Variants in CHN2 observed in about 807,000 individuals in gnomAD.
CHN2 encodes the protein chimerin 2.
Under a neutral mutation model 56.3 loss-of-function variants are expected in CHN2, and 35 were observed. That is an observed-to-expected ratio of 0.62 (90% CI 0.47 to 0.82). CHN2 has a LOEUF of 0.82. Among genes scored for constraint, CHN2 ranks in the 40% least tolerant of loss-of-function variants. CHN2 has a pLI of 0.00. For missense variants in CHN2, 491 were observed against 580.5 expected, an observed-to-expected ratio of 0.85 and a Z score of 1.58; for synonymous variants, 210 against 212.8, an observed-to-expected ratio of 0.99 and a Z score of 0.12.
At chr7:29,425,388 G>A (rs1804760841) in intron 6 of CHN2, among the ~76,000 whole-genome samples, 1 of 152,228 alleles carries the variant, frequency 6.6e-6, no homozygotes, top group Admixed American at 6.5e-5. Flanking sequence ...GAGGAACAGA[G>A]GACATGGAGC....
At chr7:29,403,200 A>C (rs1478912107) in intron 6 of CHN2, among the ~76,000 whole-genome samples, 1 of 151,962 alleles carries the variant, frequency 6.6e-6, no homozygotes, top group African/African-American at 2.4e-5. Context: ...AAGTGGAATT[A>C]TTAAAGGTCT....
At chr7:29,285,921 G>A (rs895630499) in intron 1 of CHN2, among the ~76,000 whole-genome samples, 1 of 152,078 alleles carries the variant, frequency 6.6e-6, no homozygotes, top group Non-Finnish European at 1.5e-5. Flanking sequence ...CCAGTGTTTG[G>A]GTCCTTCAAA....
intron 1 of CHN2, among the ~76,000 whole-genome samples, chr7:29,271,264 C>A (rs894468710): frequency 2.0e-5 from 3 of 152,160 alleles, no homozygotes; most frequent in African/African-American, 7.2e-5. Flanking sequence ...AAGTTCAAGG[C>A]CCTGGTCATT....
intron 1 of CHN2, among the ~76,000 whole-genome samples, chr7:29,293,362 GCCCCC>G (rs35565281): frequency 1.1e-4 from 6 of 53,136 alleles, no homozygotes; most frequent in African/African-American, 3.5e-4. Context: ...GGCAGCTAAT[GCCCCC>G]CCCCCCCCCC....
intron 1 of CHN2, among the ~76,000 whole-genome samples, chr7:29,259,985 T>G (rs1200565841): frequency 6.6e-6 from 1 of 152,092 alleles, no homozygotes; most frequent in Non-Finnish European, 1.5e-5. Context: ...CTATCTAATT[T>G]TTTTTCTTTT....
intron 1 of CHN2, among the ~76,000 whole-genome samples, chr7:29,208,255 G>C (rs546084120): frequency 6.6e-6 from 1 of 152,178 alleles, no homozygotes; most frequent in Non-Finnish European, 1.5e-5. Flanking sequence ...GTATAGGATG[G>C]CTGGCTCCCC....
chr7:29,154,834 A>T (rs911053991), intron 2 of CHN2, among the ~76,000 whole-genome samples: 3 of 152,132 alleles, frequency 2.0e-5, no homozygotes, highest in Non-Finnish European at 4.4e-5. Context: ...GACTCCGTGT[A>T]TTAGTCCATT....
In CHN2 at chr7:29,437,325, G is replaced by A. The variant is rs1006659643; in HGVS notation, c.576+36497G>A. Among the ~76,000 whole-genome samples, 21 of 84,718 alleles carry A rather than the reference G, an allele frequency of 2.5e-4. 8 individuals are homozygous for A. The highest frequency in any genetic ancestry group is 0.013 in the Middle Eastern group (2 of 158). 55.6% of individuals were successfully genotyped at this position (84,718 alleles called of 152,430 possible). On this transcript the variant is annotated intron_variant, in intron 6 of 12. Transcript: ENST00000222792. ...TTAAGATATCTAAAACCGGCTGGGC[G>A]CGGTGGCTCACGCCTGTAATCCCAG... is the stretch of plus-strand genomic sequence containing the variant.
chr7:29,199,763 G>C lies in CHN2; in HGVS notation c.49+4773G>C, dbSNP rs1784010123. The C allele has an allele frequency of 2.0e-5, 3 of 152,180 alleles. No homozygotes were observed. In the South Asian group the frequency reaches 6.2e-4, roughly 32 times the overall value. The allele number at this position is 152,180 out of a possible 1,614,324, so 9.4% of individuals were successfully genotyped here. The stretch of plus-strand genomic sequence containing the variant: ...ATTTTTCTTAGCATGCTACATATTT[G>C]CAGTGTTTGACAAGGGGGACCCAGT... On this transcript the variant is annotated intron_variant, in intron 1 of 12. Transcript: ENST00000222792.
chr7:29,457,250 T>C (rs1784834473), intron 6 of CHN2, among the ~76,000 whole-genome samples: 1 of 152,114 alleles, frequency 6.6e-6, no homozygotes, highest in African/African-American at 2.4e-5. Flanking sequence ...GACAGCACCA[T>C]GTCCTTTAGT....
chr7:29,347,368 A>G (rs1296636618), intron 1 of CHN2, among the ~76,000 whole-genome samples: 1 of 152,134 alleles, frequency 6.6e-6, no homozygotes, highest in East Asian at 1.9e-4. Flanking sequence ...CCACACTGCT[A>G]TAAAGAATGC....
chr7:29,235,626 G>A (rs1478099077), intron 1 of CHN2, among the ~76,000 whole-genome samples: 3 of 152,116 alleles, frequency 2.0e-5, no homozygotes, highest in Non-Finnish European at 4.4e-5. Context: ...GCAAAGACAT[G>A]GAATCAATGT....
intron 2 of CHN2, among the ~76,000 whole-genome samples, chr7:29,174,621 G>A (rs978710524): frequency 1.3e-5 from 2 of 152,190 alleles, no homozygotes; most frequent in African/African-American, 4.8e-5. Context: ...AGCACTTTGG[G>A]AGGCCGACTT....
intron 1 of CHN2, among the ~76,000 whole-genome samples, chr7:29,262,526 A>G (rs1789640654): frequency 2.0e-5 from 3 of 152,250 alleles, no homozygotes; most frequent in African/African-American, 7.2e-5. Flanking sequence ...TAGAGAGAAT[A>G]GATTAAATAT....
At chr7:29,285,303 G>T (rs1354847672) in intron 1 of CHN2, among the ~76,000 whole-genome samples, 1 of 152,226 alleles carries the variant, frequency 6.6e-6, no homozygotes, top group East Asian at 1.9e-4. Flanking sequence ...TTCCATAGGA[G>T]AATGCATCAC....
intron 10 of CHN2, among the ~76,000 whole-genome samples, chr7:29,505,963 C>T (rs114335865): frequency 2.0e-5 from 3 of 152,264 alleles, no homozygotes; most frequent in African/African-American, 7.2e-5. Context: ...TTCTATACAT[C>T]GGCAGCTTTT....
chr7:29,264,400 G>T (rs183560700), intron 1 of CHN2, among the ~76,000 whole-genome samples: 101 of 152,352 alleles, frequency 6.6e-4, no homozygotes, highest in Non-Finnish European at 1.1e-3. Flanking sequence ...AAGAAAGAGA[G>T]ATCAGATTGT....
At chr7:29,411,922 C>T (rs1803253777) in intron 6 of CHN2, among the ~76,000 whole-genome samples, 1 of 152,174 alleles carries the variant, frequency 6.6e-6, no homozygotes, top group Admixed American at 6.5e-5. Flanking sequence ...GTTGGTGCTG[C>T]ATTTAAGTCG....
chr7:29,246,040 G>A (rs368763483), intron 1 of CHN2, among the ~76,000 whole-genome samples: 1 of 152,120 alleles, frequency 6.6e-6, no homozygotes, highest in South Asian at 2.1e-4. Flanking sequence ...AAAATGTGAC[G>A]AGGGAATTTT....
Sources: allele counts gnomAD v4.1 joint callset (sites outside exome capture counted in the v4.1 genomes callset), GRCh38; gene constraint gnomAD v4.1.1; transcripts MANE v1.5; gene names NCBI Gene and HGNC (gene_info 2026-07-23, HGNC 2026-07-21).